The following PRRC2B variants were observed in gnomAD, a reference collection of about 807,000 sequenced individuals.
The protein encoded by PRRC2B is proline rich coiled-coil 2B.
In PRRC2B, 68 loss-of-function variants were observed where a neutral mutation model predicts 242.3. That is an observed-to-expected ratio of 0.28 (90% confidence interval 0.23 to 0.34). The LOEUF (loss-of-function observed/expected upper bound fraction) is 0.34, where lower values mean the gene tolerates loss of function less well. PRRC2B is among the 10% of genes least tolerant of loss of function. The pLI is 1.00. For missense variants in PRRC2B, 2,835 were observed against 2,954.8 expected (o/e 0.96, Z 0.94); for synonymous variants, 1,228 against 1,173.6 (o/e 1.05, Z -0.95).
At chr9:131,397,469 T>A (rs1486143936) in intron 1 of PRRC2B, among the ~76,000 whole-genome samples, 1 of 152,110 alleles carries the variant, frequency 6.6e-6, no homozygotes, top group Admixed American at 6.5e-5. Context: ...ATTTTTGTTA[T>A]TAATTTTTTT....
At position 131,487,260 on chromosome 9, in the gene PRRC2B, T is replaced by G; in HGVS notation, c.5950T>G (p.Ser1984Ala). ...GLRGGLPVSQSQEIFSSLQPF... is the reference protein window; with the variant it reads ...GLRGGLPVSQAQEIFSSLQPF... Reference sequence around the variant, plus strand: ...GAGGGGTGGGCTTCCTGTGTCCCAGTCCCAGGAGATCTTCAGCTCCTTGCA... The same window carrying G: ...GAGGGGTGGGCTTCCTGTGTCCCAGGCCCAGGAGATCTTCAGCTCCTTGCA... Residue 1984 changes from serine (S) to alanine (A), a missense_variant, in exon 27 of 32, where the codon TCC becomes GCC. Around this residue, in one of 7 missense-constraint regions of PRRC2B, gnomAD observed 574 missense variants for 626.0 expected, o/e 0.92. Transcript: ENST00000683519. The surrounding 1 kb of genome is among the most constrained non-coding windows in gnomAD (Gnocchi z 5.3). The G allele has an allele frequency of 6.2e-7, 1 of 1,612,446 alleles. No individual in the cohort carries two copies. Among genetic ancestry groups the G allele is most frequent in the Middle Eastern group, 1.7e-4 (1 of 6,058 alleles).
At chr9:131,480,925 G>T (rs1943842083) in intron 19 of PRRC2B, among the ~76,000 whole-genome samples, 1 of 151,962 alleles carries the variant, frequency 6.6e-6, no homozygotes, top group Non-Finnish European at 1.5e-5. Context: ...AATCCCAGCA[G>T]TTTGGGAGGC....
intron 9 of PRRC2B, among the ~76,000 whole-genome samples, chr9:131,453,240 C>T (rs1275018453): frequency 6.6e-6 from 1 of 152,060 alleles, no homozygotes; most frequent in Admixed American, 6.6e-5. Flanking sequence ...CTGTTTTCAG[C>T]GAAAATCTTT....
chr9:131,408,482 T>C (rs1427182413), intron 1 of PRRC2B, among the ~76,000 whole-genome samples: 1 of 152,216 alleles, frequency 6.6e-6, no homozygotes, highest in Non-Finnish European at 1.5e-5. Flanking sequence ...TAGATCACTA[T>C]GTGTATTTTT....
chr9:131,444,346 C>G lies in PRRC2B; in HGVS notation c.613+18C>G. The G allele has an allele frequency of 6.2e-7, 1 of 1,607,352 alleles. No individual in the cohort carries two copies. The highest frequency in any genetic ancestry group is 2.2e-5 in the East Asian group (1 of 44,590). ...CCCTCAGAGTAAGTGACTGCAGCCTCTGGGCACTCGATGGAGTAACAGAAC... is the reference window on the plus strand; with the variant it reads ...CCCTCAGAGTAAGTGACTGCAGCCTGTGGGCACTCGATGGAGTAACAGAAC... On this transcript the variant is annotated intron_variant, in intron 6 of 31. Transcript: ENST00000683519.
Position 131,487,174 on chromosome 9 carries a change from C to T in PRRC2B, c.5864C>T (p.Ala1955Val). 1 of 1,613,754 alleles carries T rather than the reference C, an allele frequency of 6.2e-7. No individual in the cohort carries two copies. The highest frequency in any genetic ancestry group is 8.5e-7 in the Non-Finnish European group (1 of 1,179,786). Reference sequence around the variant, plus strand: ...CCGTTTTCCCGTTCACAGGCCGCCGCTGCCCAGCAGATCCCGATCTCCCTT... The same window carrying T: ...CCGTTTTCCCGTTCACAGGCCGCCGTTGCCCAGCAGATCCCGATCTCCCTT... ...PQQQSYQQAAAAQQIPISLHT... is the reference protein window; with the variant it reads ...PQQQSYQQAAVAQQIPISLHT... Residue 1955 changes from alanine to valine, a missense_variant, in exon 27 of 32, where the codon GCT becomes GTT. Transcript: ENST00000683519. The surrounding 1 kb of genome is among the most constrained non-coding windows in gnomAD (Gnocchi z 5.3).
chr9:131,491,197 C>A, intron 28 of PRRC2B: 1 of 486,376 alleles, frequency 2.1e-6, no homozygotes, highest in Non-Finnish European at 3.6e-6. Context: ...TTTCTCACCA[C>A]CTACTCTATT....
intron 10 of PRRC2B, among the ~76,000 whole-genome samples, chr9:131,455,629 C>G (rs1429374846): frequency 6.6e-6 from 1 of 151,488 alleles, no homozygotes; most frequent in Non-Finnish European, 1.5e-5. Context: ...GATTCTCCCA[C>G]CCCAGCTTCC....
At chr9:131,374,453 G>A (rs1208822715) in intron 1 of PRRC2B, among the ~76,000 whole-genome samples, 3 of 151,950 alleles carry the variant, frequency 2.0e-5, no homozygotes, top group Admixed American at 6.6e-5. Flanking sequence ...TTGCTAACAT[G>A]TATTACACAG....
At chr9:131,394,996 A>G (rs1442618882) in intron 1 of PRRC2B, among the ~76,000 whole-genome samples, 1 of 148,020 alleles carries the variant, frequency 6.8e-6, no homozygotes, top group Non-Finnish European at 1.5e-5. Context: ...CCTCCCCTCA[A>G]CCCCCAGGAG....
chr9:131,489,852 C>T (rs1944135825), intron 28 of PRRC2B, among the ~76,000 whole-genome samples: 1 of 152,128 alleles, frequency 6.6e-6, no homozygotes, highest in African/African-American at 2.4e-5. Context: ...TCCCGCCCCC[C>T]ACACCCCTCG....
rs749400445 is a variant in PRRC2B, at chr9:131,467,730, C to T, written c.1888C>T (p.Arg630Cys). The T allele has an allele frequency of 5.0e-6, 8 of 1,613,890 alleles. No homozygotes were observed. The highest frequency in any genetic ancestry group is 2.2e-5 in the East Asian group (1 of 44,884). Residue 630 changes from arginine (R) to cysteine (C), a missense_variant, in exon 13 of 32, where the codon CGC becomes TGC. Physicochemically the swap from Arg to Cys is radical, Grantham distance 180 (BLOSUM62 -3). Around this residue, in one of 7 missense-constraint regions of PRRC2B, gnomAD observed 1,536 missense variants for 1,483.1 expected, o/e 1.04. Coordinates refer to ENST00000683519, the MANE Select transcript of PRRC2B (RefSeq NM_013318.4). ...YQKSLPPRFQRQQQQQQQEQL... is the reference protein window; with the variant it reads ...YQKSLPPRFQCQQQQQQQEQL... ...GAAGTCCCTTCCTCCCCGATTCCAG[C>T]GCCAGCAGCAGCAACAACAGCAGGT...
chr9:131,485,735 G>C lies in PRRC2B; in HGVS notation c.5759-350G>C, dbSNP rs570106034. ...GACTCAATAGCAGGGAGATGAAGAG[G>C]ACAGTGACTGAGAGACCAAGGCAGC... On this transcript the variant is annotated intron_variant, in intron 25 of 31. Transcript: ENST00000683519. 20 of 580,232 alleles carry C rather than the reference G, an allele frequency of 3.4e-5. No individual in the cohort carries two copies. The East Asian group carries it at 8.1e-4, about 24-fold the overall frequency. 35.9% of individuals were successfully genotyped at this position (580,232 alleles called of 1,614,324 possible). A position where few individuals can be genotyped will look rare whatever the true frequency, so the allele number is the denominator to read the frequency against.
At chr9:131,472,774 C>T (rs1255303622) in intron 14 of PRRC2B, among the ~76,000 whole-genome samples, 1 of 152,118 alleles carries the variant, frequency 6.6e-6, no homozygotes, top group African/African-American at 2.4e-5. Flanking sequence ...CCACCATGCC[C>T]AGCCTTATTG....
intron 1 of PRRC2B, among the ~76,000 whole-genome samples, chr9:131,407,993 G>T (rs1016198278): frequency 1.3e-5 from 2 of 152,342 alleles, no homozygotes; most frequent in Admixed American, 1.3e-4. Context: ...TTGCATCCAG[G>T]TTGGAGTGGT....
intron 28 of PRRC2B, among the ~76,000 whole-genome samples, chr9:131,489,011 C>G (rs1944106297): frequency 6.6e-6 from 1 of 152,004 alleles, no homozygotes; most frequent in Non-Finnish European, 1.5e-5. Flanking sequence ...AGTTTGTGCC[C>G]TCCTCGCCAC....
intron 29 of PRRC2B, 40 bp from the exon 30 acceptor site, chr9:131,492,129 G>A (rs937795056): frequency 2.0e-6 from 3 of 1,512,812 alleles, no homozygotes; most frequent in Non-Finnish European, 2.8e-6. Context: ...GCTGTCTCCA[G>A]GGCCTCAAAT....
intron 1 of PRRC2B, among the ~76,000 whole-genome samples, chr9:131,412,856 C>T (rs939539556): frequency 2.1e-5 from 3 of 142,096 alleles, no homozygotes; most frequent in African/African-American, 5.2e-5. Context: ...TGCAGTGAGA[C>T]GATTATAGGT....
At chr9:131,492,131 G>C in intron 29 of PRRC2B, 38 bp from the exon 30 acceptor site, 1 of 1,515,824 alleles carries the variant, frequency 6.6e-7, no homozygotes, top group Non-Finnish European at 9.2e-7. Context: ...TGTCTCCAGG[G>C]CCTCAAATGA....
Sources: gnomAD v4.1 joint callset for allele counts (sites outside exome capture counted in the v4.1 genomes callset) on GRCh38, gnomAD v4.1.1 for gene constraint, gnomAD v4.1.1 regional missense constraint, Gnocchi (gnomAD v3.1) non-coding constraint, MANE v1.5 for transcripts, NCBI Gene and HGNC (gene_info 2026-07-23, HGNC 2026-07-21) for gene names.